Variants in RBFOX3 observed in about 807,000 individuals in gnomAD.
RBFOX3 encodes the protein RNA binding protein fox-1 homolog 3.
RBFOX3 carries 17 observed loss-of-function variants against 48.7 expected under a neutral mutation model. The ratio of observed to expected loss-of-function variants is 0.35; its 90% CI spans 0.24 to 0.52. The LOEUF (loss-of-function observed/expected upper bound fraction) is 0.52. Among genes scored for constraint, RBFOX3 ranks in the 20% least tolerant of loss-of-function variants. RBFOX3 has a pLI of 0.94. For synonymous variants in RBFOX3, 212 were observed against 209.5 expected, an observed-to-expected ratio of 1.01 and a Z score of -0.10; for missense variants, 382 against 497.5, an observed-to-expected ratio of 0.77 and a Z score of 2.21.
intron 2 of RBFOX3, among the ~76,000 whole-genome samples, chr17:79,429,650 G>C (rs563248058): frequency 6.6e-6 from 1 of 152,238 alleles, no homozygotes; most frequent in East Asian, 1.9e-4. Flanking sequence ...CCAGTTGAGA[G>C]GCTGACTCTA....
intron 1 of RBFOX3, among the ~76,000 whole-genome samples, chr17:79,495,104 G>A (rs1016958836): frequency 5.3e-5 from 8 of 151,950 alleles, no homozygotes; most frequent in East Asian, 2.0e-4. Flanking sequence ...GTTAAGGGTC[G>A]AAGCCCCCTC....
intron 4 of RBFOX3, among the ~76,000 whole-genome samples, chr17:79,193,750 G>C (rs1193093604): frequency 1.3e-5 from 2 of 152,228 alleles, no homozygotes; most frequent in African/African-American, 4.8e-5. Context: ...GAGAGTAAAT[G>C]CTGTGGAGAG....
intron 2 of RBFOX3, among the ~76,000 whole-genome samples, chr17:79,469,112 T>C (rs1380236141): frequency 1.3e-5 from 2 of 151,910 alleles, no homozygotes; most frequent in African/African-American, 4.9e-5. Flanking sequence ...TAGATATGGA[T>C]ATAGCTCCTC....
intron 1 of RBFOX3, among the ~76,000 whole-genome samples, chr17:79,539,389 G>A (rs2089338074): frequency 6.6e-6 from 1 of 152,070 alleles, no homozygotes; most frequent in Non-Finnish European, 1.5e-5. Flanking sequence ...TGTTGGTGTG[G>A]GAATAAAATA....
intron 2 of RBFOX3, among the ~76,000 whole-genome samples, chr17:79,335,555 C>A (rs1598302391): frequency 6.6e-6 from 1 of 152,200 alleles, no homozygotes; most frequent in Admixed American, 6.5e-5. Context: ...ATCTCTAGGT[C>A]CCAGGCTACA....
At position 79,101,606 on chromosome 17, in the gene RBFOX3, C is replaced by T; in HGVS notation, c.546G>A (p.Lys182=). 6.4e-7 allele frequency: 1 copy of T among 1,551,268 alleles called. No individual in the cohort carries two copies. The highest frequency in any genetic ancestry group is 2.0e-5 in the Admixed American group (1 of 51,004). ...NATARVMTNK[K]TGNPYTNGWK... ...TACCGTTGGTGTAGGGGTTCCCCGTCTTCTTGTTGGTCATCACTCGGGCCG... is the reference window on the plus strand; with the variant it reads ...TACCGTTGGTGTAGGGGTTCCCCGTTTTCTTGTTGGTCATCACTCGGGCCG... Residue 182 remains lysine, a synonymous_variant, in exon 9 of 15, where the codon AAG becomes AAA. Transcript: ENST00000693108.
chr17:79,277,305 G>GGGGT (rs1463943017), intron 3 of RBFOX3, among the ~76,000 whole-genome samples: 2 of 117,364 alleles, frequency 1.7e-5, no homozygotes, highest in East Asian at 3.3e-4. Flanking sequence ...TGGTGGGGAG[G>GGGGT]GGGGGGGTAG....
chr17:79,116,470 G>A (rs1328439696), intron 4 of RBFOX3, among the ~76,000 whole-genome samples: 21 of 152,242 alleles, frequency 1.4e-4, no homozygotes, highest in Non-Finnish European at 1.9e-4. Flanking sequence ...AGCCAAAATC[G>A]CACTATTGCG....
At chr17:79,661,001 C>G in the RBFOX3 span, among the ~76,000 whole-genome samples, 1 of 152,112 alleles carries the variant, frequency 6.6e-6, no homozygotes, top group African/African-American at 2.4e-5. Flanking sequence ...GAGCTGGAAG[C>G]CATTATCCTT....
intron 2 of RBFOX3, among the ~76,000 whole-genome samples, chr17:79,386,948 A>G (rs1248439712): frequency 1.3e-5 from 2 of 152,236 alleles, no homozygotes; most frequent in East Asian, 3.8e-4. Flanking sequence ...AATGGAACTC[A>G]GAATTGGAAG....
intron 2 of RBFOX3, among the ~76,000 whole-genome samples, chr17:79,399,017 T>A (rs1048417671): frequency 6.6e-6 from 1 of 152,088 alleles, no homozygotes; most frequent in African/African-American, 2.4e-5. Context: ...TGTGAAGACA[T>A]GCATGAGAGA....
intron 4 of RBFOX3, among the ~76,000 whole-genome samples, 170 bp from the exon 5 acceptor site, chr17:79,115,918 G>T (rs568831735): frequency 6.6e-6 from 1 of 152,290 alleles, no homozygotes; most frequent in African/African-American, 2.4e-5. Flanking sequence ...AGAGCAGGAG[G>T]GGGTGCTGCG....
chr17:79,319,059 G>C (rs1035130708), intron 2 of RBFOX3, among the ~76,000 whole-genome samples: 1 of 152,114 alleles, frequency 6.6e-6, no homozygotes, highest in African/African-American at 2.4e-5. Flanking sequence ...TGTGGAAGGA[G>C]GGAAGACATG....
chr17:79,157,040 C>T (rs2045964206), intron 4 of RBFOX3, among the ~76,000 whole-genome samples: 3 of 152,310 alleles, frequency 2.0e-5, no homozygotes, highest in East Asian at 1.9e-4. Flanking sequence ...TCTCCTCAGC[C>T]GCTGCTGTGG....
chr17:79,249,424 G>T lies in RBFOX3; in HGVS notation c.-73-13619C>A, dbSNP rs74713810. Among the ~76,000 whole-genome samples the T allele has an allele frequency of 0.036, 5,412 of 152,142 alleles. 119 individuals are homozygous for T. Among genetic ancestry groups the T allele is most frequent in the East Asian group, 0.12 (612 of 5,146 alleles). On this transcript the variant is annotated intron_variant, in intron 3 of 14. Transcript: ENST00000693108. This position sits in a 1 kb window ranked among gnomAD's most constrained non-coding sequence, Gnocchi z 4.1. ...TGCTTTGACATCTGAAGCCTTGCTG[G>T]CCCTGGGGAGACGGCTCCTCCCAAA...
chr17:79,132,494 C>T (rs768255566), intron 4 of RBFOX3, among the ~76,000 whole-genome samples: 2 of 152,320 alleles, frequency 1.3e-5, no homozygotes, highest in East Asian at 1.9e-4. Flanking sequence ...CGGCACTGGG[C>T]GGCTCCCCTC....
At chr17:79,336,472 T>C (rs1475554985) in intron 2 of RBFOX3, among the ~76,000 whole-genome samples, 1 of 151,936 alleles carries the variant, frequency 6.6e-6, no homozygotes. Context: ...GCAACCGAGC[T>C]TCTGAAAAGC....
chr17:79,316,396 A>G (rs1274452791), intron 2 of RBFOX3, among the ~76,000 whole-genome samples: 3 of 152,230 alleles, frequency 2.0e-5, no homozygotes, highest in African/African-American at 7.2e-5. Flanking sequence ...AGCTCAGTAC[A>G]GACTCAGGGC....
intron 4 of RBFOX3, among the ~76,000 whole-genome samples, chr17:79,219,965 G>C (rs538420519): frequency 1.3e-5 from 2 of 150,638 alleles, no homozygotes; most frequent in Non-Finnish European, 3.0e-5. Flanking sequence ...GTCTGCATCC[G>C]AGGCCCACCT....
Sources: allele counts gnomAD v4.1 joint callset (sites outside exome capture counted in the v4.1 genomes callset), GRCh38; gene constraint gnomAD v4.1.1; non-coding constraint Gnocchi (gnomAD v3.1); transcripts MANE v1.5; gene names NCBI Gene and HGNC (gene_info 2026-07-23, HGNC 2026-07-21).